The following RIN3 variants were observed in gnomAD, a reference collection of about 807,000 sequenced individuals.
RIN3 encodes RAB5 interacting protein 3.
RIN3 carries 54 observed loss-of-function variants against 76.3 expected under a neutral mutation model. The observed-to-expected ratio is 0.71, with a 90% CI of 0.57 to 0.89. The LOEUF (loss-of-function observed/expected upper bound fraction) is 0.89. RIN3 is among the 40% of genes least tolerant of loss of function. RIN3 has a pLI of 0.00. For synonymous variants in RIN3, 576 were observed against 564.0 expected (o/e 1.02, Z -0.30); for missense variants, 1,256 against 1,322.1 (o/e 0.95, Z 0.78).
chr14:92,676,536 C>A lies in RIN3; in HGVS notation c.2397C>A (p.Asn799Lys), dbSNP rs1405086465. 6.2e-7 allele frequency: 1 copy of A among 1,614,036 alleles called. No individual in the cohort carries two copies. The highest frequency in any genetic ancestry group is 8.5e-7 in the Non-Finnish European group (1 of 1,180,026). The change falls in exon 8 of 10, where the codon AAC (asparagine) becomes AAA (lysine). Residue 799 changes from asparagine to lysine, a missense_variant. Asn to Lys is a moderately conservative substitution (Grantham distance 94, BLOSUM62 0). Transcript: ENST00000216487. ...TCATGTATGTGCTGGCCCGCAGCAA[C>A]CTCACGGAGATGCTTCTCAATGTGG... ...PVLMYVLARS[N>K]LTEMLLNVEY...
At position 92,545,148 on chromosome 14, in the gene RIN3, C is replaced by A. The variant is rs555721608; in HGVS notation, c.45-10603C>A. ...TTTTTGAGACGGAGTCTTGCTCTGT[C>A]CCCCAGGCTGGAGTGCAGTGGCACA... On this transcript the variant is annotated intron_variant, in intron 1 of 9. Transcript: ENST00000216487. 1.3e-3 allele frequency among the ~76,000 whole-genome samples: 166 copies of A among 128,834 alleles called. No homozygotes were observed. The Middle Eastern group carries it at 0.013, about 10-fold the overall frequency. The allele number at this position is 128,834 out of a possible 152,430, so 84.5% of individuals were successfully genotyped here.
At chr14:92,554,259 G>A (rs1214153170) in intron 1 of RIN3, among the ~76,000 whole-genome samples, 3 of 152,198 alleles carry the variant, frequency 2.0e-5, no homozygotes, top group Non-Finnish European at 2.9e-5. Context: ...ATCAAAACCA[G>A]CCTGTGTGTG....
intron 3 of RIN3, among the ~76,000 whole-genome samples, chr14:92,579,429 T>C (rs1898367810): frequency 1.3e-5 from 2 of 152,232 alleles, no homozygotes; most frequent in Non-Finnish European, 2.9e-5. Context: ...AATGGCAAGA[T>C]GGAATTGGTT....
chr14:92,637,407 A>G (rs903825036), intron 4 of RIN3, among the ~76,000 whole-genome samples: 2 of 152,126 alleles, frequency 1.3e-5, no homozygotes, highest in Non-Finnish European at 2.9e-5. Flanking sequence ...TATGCGAGCG[A>G]TGGGGAGCAG....
chr14:92,649,090 G>A (rs956362427), intron 5 of RIN3, among the ~76,000 whole-genome samples: 2 of 152,182 alleles, frequency 1.3e-5, no homozygotes, highest in Non-Finnish European at 2.9e-5. Flanking sequence ...AGGGTTGAAA[G>A]CGATTCTCTA....
At chr14:92,592,931 C>T (rs1377071890) in intron 3 of RIN3, among the ~76,000 whole-genome samples, 4 of 152,038 alleles carry the variant, frequency 2.6e-5, no homozygotes, top group Admixed American at 2.6e-4. Flanking sequence ...GCCTCGGCCT[C>T]CCAAAGTGCT....
In RIN3 at chr14:92,538,548, T is replaced by A. The variant is rs911480090; in HGVS notation, c.45-17203T>A. Among the ~76,000 whole-genome samples, 3 of 152,186 alleles carry A rather than the reference T, an allele frequency of 2.0e-5. No homozygotes were observed. In the South Asian group the frequency reaches 6.2e-4, roughly 31 times the overall value. ...GCAGTATTGTTTGATTGTTTCTAGTTTTCCACAACTGCAAGTCACGTGGCA... is the reference window on the plus strand; with the variant it reads ...GCAGTATTGTTTGATTGTTTCTAGTATTCCACAACTGCAAGTCACGTGGCA... On this transcript the variant is annotated intron_variant, in intron 1 of 9. Transcript: ENST00000216487.
At chr14:92,679,931 T>A (rs1019554250) in intron 8 of RIN3, among the ~76,000 whole-genome samples, 5 of 152,158 alleles carry the variant, frequency 3.3e-5, no homozygotes, top group Non-Finnish European at 5.9e-5. Flanking sequence ...GACATCAAGT[T>A]AGATTGGCAG....
At chr14:92,542,551 G>T (rs142504158) in intron 1 of RIN3, among the ~76,000 whole-genome samples, 2 of 152,200 alleles carry the variant, frequency 1.3e-5, no homozygotes, top group Non-Finnish European at 2.9e-5. Context: ...ATATAATCCA[G>T]CAATTCCACA....
chr14:92,520,933 G>A (rs896836237), intron 1 of RIN3, among the ~76,000 whole-genome samples: 5 of 134,204 alleles, frequency 3.7e-5, no homozygotes, highest in African/African-American at 8.2e-5. Flanking sequence ...TCTCTCTACC[G>A]ATGGCATCTG....
At chr14:92,603,982 C>T (rs1052789572) in intron 3 of RIN3, among the ~76,000 whole-genome samples, 2 of 152,256 alleles carry the variant, frequency 1.3e-5, no homozygotes, top group Non-Finnish European at 2.9e-5. Flanking sequence ...AGCAAACATT[C>T]CTTTCTCCAC....
chr14:92,677,163 G>C (rs1427422888), intron 8 of RIN3, among the ~76,000 whole-genome samples: 1 of 152,280 alleles, frequency 6.6e-6, no homozygotes, highest in East Asian at 1.9e-4. Context: ...GGAAGTTAAT[G>C]ATATGAGTAA....
chr14:92,688,277 A>AC lies in RIN3; in HGVS notation c.*30dup, dbSNP rs1248585927. 3.3e-6 allele frequency: 5 copies of AC among 1,495,646 alleles called. No individual in the cohort carries two copies. The highest frequency in any genetic ancestry group is 4.2e-5 in the Admixed American group (2 of 47,396). 92.6% of individuals were successfully genotyped at this position (1,495,646 alleles called of 1,614,324 possible). A position where few individuals can be genotyped will look rare whatever the true frequency, so the allele number is the denominator to read the frequency against. ...AGGCCCTCCCGGGGCGCCTCCCCTC[A>AC]CCCCCAGGCGCACGTCTGGCCCCGC... On this transcript the variant is annotated 3_prime_UTR_variant, in exon 10 of 10. Transcript: ENST00000216487.
At chr14:92,530,486 C>T (rs1302276847) in intron 1 of RIN3, among the ~76,000 whole-genome samples, 1 of 152,192 alleles carries the variant, frequency 6.6e-6, no homozygotes, top group African/African-American at 2.4e-5. Context: ...GGAGCATTTA[C>T]TCAGGGTCGA....
chr14:92,666,550 C>T (rs1333354497), intron 7 of RIN3, among the ~76,000 whole-genome samples: 1 of 142,352 alleles, frequency 7.0e-6, no homozygotes, highest in Non-Finnish European at 1.5e-5. Context: ...TTTGGATAAA[C>T]TGGCCCTCCA....
chr14:92,525,916 G>T (rs572164215), intron 1 of RIN3, among the ~76,000 whole-genome samples: 3 of 152,140 alleles, frequency 2.0e-5, no homozygotes, highest in Non-Finnish European at 4.4e-5. Context: ...TGGCTGAAGG[G>T]CATCCTGCTC....
chr14:92,562,596 A>T lies in RIN3; in HGVS notation c.249+6641A>T, dbSNP rs201605479. Among the ~76,000 whole-genome samples, 9 of 152,296 alleles carry T rather than the reference A, an allele frequency of 5.9e-5. No homozygotes were observed. The East Asian group carries it at 1.7e-3, about 29-fold the overall frequency. Reference sequence around the variant, plus strand: ...TACTACTTTAATTATTTTGTTGCTCAAAGTTTTCCAACTTTGGCCCCTCGA... The same window carrying T: ...TACTACTTTAATTATTTTGTTGCTCTAAGTTTTCCAACTTTGGCCCCTCGA... On this transcript the variant is annotated intron_variant, in intron 2 of 9. Coordinates refer to ENST00000216487, the MANE Select transcript of RIN3 (RefSeq NM_024832.5).
At chr14:92,639,229 T>C (rs1886891595) in intron 4 of RIN3, among the ~76,000 whole-genome samples, 1 of 152,266 alleles carries the variant, frequency 6.6e-6, no homozygotes, top group Non-Finnish European at 1.5e-5. Context: ...AGCAAAGCCA[T>C]GAAGACCCCA....
Position 92,651,632 on chromosome 14 carries a change from G to A in RIN3, c.583G>A (p.Glu195Lys). The stretch of plus-strand genomic sequence containing the variant: ...TCCACAAGAAAGAGGGAAGCCAGCA[G>A]AGCCCCCAAGAGACCGGGCCCCCGG... ...NPPQERGKPA[E>K]PPRDRAPGFP... The change falls in exon 6 of 10, where the codon GAG becomes AAG. Residue 195 changes from glutamate to lysine, a missense_variant. Physicochemically the swap from Glu to Lys is moderately conservative, Grantham distance 56 (BLOSUM62 1). Around this residue, in one of 3 missense-constraint regions of RIN3, gnomAD observed 610 missense variants for 626.4 expected, o/e 0.97. Transcript: ENST00000216487. 6.2e-7 allele frequency: 1 copy of A among 1,612,128 alleles called. No homozygotes were observed. Among genetic ancestry groups the A allele is most frequent in the Non-Finnish European group, 8.5e-7 (1 of 1,178,916 alleles).
Sources: gnomAD v4.1 joint callset for allele counts (sites outside exome capture counted in the v4.1 genomes callset) on GRCh38, gnomAD v4.1.1 for gene constraint, gnomAD v4.1.1 regional missense constraint, MANE v1.5 for transcripts, NCBI Gene and HGNC (gene_info 2026-07-23, HGNC 2026-07-21) for gene names.